TACC2: variants seen among roughly 807,000 people sequenced by gnomAD.
TACC2 encodes transforming acidic coiled-coil-containing protein 2.
TACC2 carries 137 observed loss-of-function variants against 227.3 expected under a neutral mutation model. The ratio of observed to expected loss-of-function variants is 0.60; its 90% CI spans 0.52 to 0.69. The LOEUF is 0.69. TACC2 is among the 30% of genes least tolerant of loss of function. The pLI, the probability that TACC2 is intolerant of heterozygous loss-of-function variation, is 0.00. For synonymous variants in TACC2, 1,523 were observed against 1,487.5 expected, an observed-to-expected ratio of 1.02 and a Z score of -0.55; for missense variants, 3,470 against 3,694.4, an observed-to-expected ratio of 0.94 and a Z score of 1.57.
At chr10:122,035,450 A>G (rs1192138532) in intron 2 of TACC2, among the ~76,000 whole-genome samples, 1 of 152,220 alleles carries the variant, frequency 6.6e-6, no homozygotes, top group African/African-American at 2.4e-5. Context: ...TTTACCAGGC[A>G]TTGCTCTAGC....
chr10:122,242,525 G>A (rs773878615), intron 19 of TACC2, among the ~76,000 whole-genome samples: 4 of 152,148 alleles, frequency 2.6e-5, no homozygotes, highest in Admixed American at 6.5e-5. Context: ...GAGATTGGAC[G>A]CTGCCTCGGA....
At chr10:122,172,591 C>G (rs1345834678) in intron 7 of TACC2, among the ~76,000 whole-genome samples, 3 of 152,220 alleles carry the variant, frequency 2.0e-5, no homozygotes, top group Non-Finnish European at 4.4e-5. Context: ...GAGAGGTTGG[C>G]TTTATTAACT....
intron 7 of TACC2, among the ~76,000 whole-genome samples, chr10:122,152,566 G>A (rs1007177969): frequency 6.6e-6 from 1 of 152,270 alleles, no homozygotes; most frequent in Admixed American, 6.5e-5. Flanking sequence ...CCATAAACGC[G>A]TGTTGACACG....
At chr10:122,158,830 A>G (rs1362718524) in intron 7 of TACC2, among the ~76,000 whole-genome samples, 1 of 152,250 alleles carries the variant, frequency 6.6e-6, no homozygotes, top group Non-Finnish European at 1.5e-5. Context: ...ATAAACGAAC[A>G]CAACCATCTT....
chr10:122,097,992 G>A (rs2081653714), intron 5 of TACC2, among the ~76,000 whole-genome samples: 1 of 152,106 alleles, frequency 6.6e-6, no homozygotes, highest in Non-Finnish European at 1.5e-5. Context: ...AGGACACGCT[G>A]GGTACACGCT....
chr10:122,211,579 C>G lies in TACC2; in HGVS notation c.7154C>G (p.Ser2385Cys), dbSNP rs763304795. 3 of 1,613,976 alleles carry G rather than the reference C, an allele frequency of 1.9e-6. No individual in the cohort carries two copies. Among genetic ancestry groups the G allele is most frequent in the African/African-American group, 2.7e-5 (2 of 74,914 alleles). The change falls in exon 9 of 23, where the codon TCT becomes TGT. Residue 2385 changes from serine (S) to cysteine (C), a missense_variant. Around this residue, in one of 10 missense-constraint regions of TACC2, gnomAD observed 593 missense variants for 636.6 expected, o/e 0.93. Coordinates refer to ENST00000369005, the MANE Select transcript of TACC2 (RefSeq NM_206862.4). ...DESVDPFKTSSKTPSSPSKSP... is the reference protein window; with the variant it reads ...DESVDPFKTSCKTPSSPSKSP... ...TCCGTTGACCCCTTTAAGACATCCTCTAAGACCCCCAGCTCACCTTCTAAA... is the reference window on the plus strand; with the variant it reads ...TCCGTTGACCCCTTTAAGACATCCTGTAAGACCCCCAGCTCACCTTCTAAA...
At chr10:122,046,414 C>T (rs953008914) in intron 2 of TACC2, among the ~76,000 whole-genome samples, 2 of 152,018 alleles carry the variant, frequency 1.3e-5, no homozygotes, top group Admixed American at 6.6e-5. Context: ...GCGGAGCTTA[C>T]AGTGAGCCAA....
chr10:122,025,809 C>G (rs1425015953), intron 2 of TACC2, among the ~76,000 whole-genome samples: 2 of 150,642 alleles, frequency 1.3e-5, no homozygotes, highest in Non-Finnish European at 3.0e-5. Context: ...CTCCTGACCT[C>G]GTGATCCACC....
chr10:122,114,155 C>A (rs564742990), intron 5 of TACC2, among the ~76,000 whole-genome samples: 1 of 152,142 alleles, frequency 6.6e-6, no homozygotes, highest in South Asian at 2.1e-4. Context: ...GGGGGGCCCT[C>A]GTGTCACAGG....
intron 5 of TACC2, among the ~76,000 whole-genome samples, chr10:122,096,012 G>A (rs1000645843): frequency 6.6e-6 from 1 of 152,230 alleles, no homozygotes; most frequent in Non-Finnish European, 1.5e-5. Context: ...GAGCCAGTGG[G>A]TGTGGTGAGG....
chr10:122,165,981 C>G (rs2093140564), intron 7 of TACC2, among the ~76,000 whole-genome samples: 1 of 152,198 alleles, frequency 6.6e-6, no homozygotes, highest in African/African-American at 2.4e-5. Context: ...TCTGCCCAGG[C>G]ACAGGTCTTT....
intron 5 of TACC2, among the ~76,000 whole-genome samples, chr10:122,113,711 G>A (rs1179766604): frequency 1.3e-5 from 2 of 152,256 alleles, no homozygotes; most frequent in African/African-American, 4.8e-5. Context: ...GCGTGGACTA[G>A]CCATAAAACT....
At position 122,216,645 on chromosome 10, in the gene TACC2, A is replaced by G. The variant is rs116132466; in HGVS notation, c.7363A>G (p.Thr2455Ala). 1.5e-4 allele frequency: 243 copies of G among 1,613,962 alleles called. No individual in the cohort carries two copies. The African/African-American group carries it at 2.7e-3, about 18-fold the overall frequency. The change falls in exon 11 of 23, where the codon ACA becomes GCA. Residue 2455 changes from threonine to alanine, a missense_variant. Physicochemically the swap from Thr to Ala is moderately conservative, Grantham distance 58. Around this residue, in one of 10 missense-constraint regions of TACC2, gnomAD observed 593 missense variants for 636.6 expected, o/e 0.93. Coordinates refer to ENST00000369005, the MANE Select transcript of TACC2 (RefSeq NM_206862.4). ...PPSQDPTPAA[T>A]PETPPVISAV... ...TTTGCAGGACCCCACCCCAGCTGCTACACCAGAAACACCACCAGTGATCTC... is the reference window on the plus strand; with the variant it reads ...TTTGCAGGACCCCACCCCAGCTGCTGCACCAGAAACACCACCAGTGATCTC...
chr10:122,189,141 T>C (rs1288582047), intron 7 of TACC2, among the ~76,000 whole-genome samples: 1 of 152,188 alleles, frequency 6.6e-6, no homozygotes, highest in South Asian at 2.1e-4. Flanking sequence ...GGTCTGATCA[T>C]ACTGTTTTAT....
Position 122,087,437 on chromosome 10 carries a change from C to G in TACC2, c.4937C>G (p.Ala1646Gly). Residue 1646 changes from alanine to glycine, a missense_variant, in exon 4 of 23, where the codon GCC becomes GGC. Transcript: ENST00000369005. ...AGGGAGGTTTTGACTGTGCCTGAGG[C>G]CAACAGTGAGCCCTGGACCCTTGAC... ...PQREVLTVPEANSEPWTLDTL... is the reference protein window; with the variant it reads ...PQREVLTVPEGNSEPWTLDTL... 1 of 1,614,026 alleles carries G rather than the reference C, an allele frequency of 6.2e-7. No individual in the cohort carries two copies. Among genetic ancestry groups the G allele is most frequent in the Non-Finnish European group, 8.5e-7 (1 of 1,180,038 alleles).
intron 5 of TACC2, among the ~76,000 whole-genome samples, chr10:122,128,814 C>T (rs950772537): frequency 1.3e-5 from 2 of 151,946 alleles, no homozygotes; most frequent in East Asian, 1.9e-4. Flanking sequence ...AGAGAATTAC[C>T]GTTAACACCT....
chr10:122,016,496 G>A (rs959260997), intron 1 of TACC2, among the ~76,000 whole-genome samples: 1 of 150,808 alleles, frequency 6.6e-6, no homozygotes, highest in Non-Finnish European at 1.5e-5. Context: ...GAACCCGGGA[G>A]ATGGAGGTTG....
intron 7 of TACC2, among the ~76,000 whole-genome samples, chr10:122,163,136 C>T (rs891225889): frequency 6.6e-6 from 1 of 152,138 alleles, no homozygotes. Context: ...CTTCAGCTGC[C>T]TCCAGGACCC....
chr10:122,005,163 C>A lies in TACC2; in HGVS notation c.-46+15675C>A, dbSNP rs1378778913. Among the ~76,000 whole-genome samples, 3 of 150,694 alleles carry A rather than the reference C, an allele frequency of 2.0e-5. No homozygotes were observed. The East Asian group carries it at 5.9e-4, about 30-fold the overall frequency. The stretch of plus-strand genomic sequence containing the variant: ...ATGGTGCAATCCGGGCTCACTGCAA[C>A]CTCTGCCTCCCGGGTTCAAGTGATT... On this transcript the variant is annotated intron_variant, in intron 1 of 22. Coordinates refer to ENST00000369005, the MANE Select transcript of TACC2 (RefSeq NM_206862.4).
Sources: gnomAD v4.1 joint callset for allele counts (sites outside exome capture counted in the v4.1 genomes callset) on GRCh38, gnomAD v4.1.1 for gene constraint, gnomAD v4.1.1 regional missense constraint, MANE v1.5 for transcripts, NCBI Gene and HGNC (gene_info 2026-07-23, HGNC 2026-07-21) for gene names.